Variants in MRPL43 observed in about 807,000 individuals in gnomAD.
The protein encoded by MRPL43 is large ribosomal subunit protein mL43.
Under a neutral mutation model 12.7 loss-of-function variants are expected in MRPL43, and 9 were observed. The ratio of observed to expected loss-of-function variants is 0.71; its 90% CI spans 0.43 to 1.24. The LOEUF (loss-of-function observed/expected upper bound fraction) is 1.24, where lower values mean the gene tolerates loss of function less well. Among genes scored for constraint, MRPL43 ranks in the 50% most tolerant of loss-of-function variants. MRPL43 has a pLI of 0.00. For missense variants in MRPL43, 211 were observed against 229.2 expected (o/e 0.92, Z 0.51); for synonymous variants, 116 against 96.4 (o/e 1.20, Z -1.19).
Position 100,986,316 on chromosome 10 carries a change from A to T in MRPL43, c.*418T>A. The T allele has an allele frequency of 7.1e-7, 1 of 1,416,090 alleles. No individual in the cohort carries two copies. The highest frequency in any genetic ancestry group is 9.2e-7 in the Non-Finnish European group (1 of 1,091,572). 87.7% of individuals were successfully genotyped at this position (1,416,090 alleles called of 1,614,324 possible). On this transcript the variant is annotated 3_prime_UTR_variant, in exon 3 of 3. Coordinates refer to ENST00000318364, the MANE Select transcript of MRPL43 (RefSeq NM_032112.3). ...TTATTAACCTGTTTTATAAATCTGT[A>T]TTCACACAGATATAAAGTGCCTAGC...
chr10:100,987,046 GAGCCCCTGATCCCGCCCTCC>G (rs750819668), intron 2 of MRPL43, 24 bp downstream of exon 2: 1 of 1,608,920 alleles, frequency 6.2e-7, no homozygotes, highest in Non-Finnish European at 8.5e-7. Flanking sequence ...ATAGCGGGTC[GAGCCCCTGATCCCGCCCTCC>G]AGCCCGAGCC....
chr10:100,981,127 C>A (rs773023442), downstream of MRPL43: 7 of 1,609,618 alleles, frequency 4.3e-6, no homozygotes, highest in South Asian at 7.7e-5. Context: ...GAAACTGAAA[C>A]CCAGTTCCCC....
downstream of MRPL43, chr10:100,983,956 T>A (rs941479176): frequency 1.3e-6 from 2 of 1,571,740 alleles, no homozygotes; most frequent in Non-Finnish European, 1.7e-6. Context: ...ACCAATGGCT[T>A]GGTGGCACTG....
At position 100,987,237 on chromosome 10, in the gene MRPL43, G is replaced by A. The variant is rs567942265; in HGVS notation, c.132-41C>T. On this transcript the variant is annotated intron_variant, in intron 1 of 2. Coordinates refer to ENST00000318364, the MANE Select transcript of MRPL43 (RefSeq NM_032112.3). ...CAGTGAGCAGTATGACCCCTGACTG[G>A]GGGCGACCTACCCGGGGAGTCGTTG... 5 of 1,613,044 alleles carry A rather than the reference G, an allele frequency of 3.1e-6. No individual in the cohort carries two copies. In the African/African-American group the frequency reaches 5.3e-5, roughly 17 times the overall value.
At chr10:100,978,821 A>T, downstream of MRPL43, 4 of 1,608,650 alleles carry the variant, frequency 2.5e-6, no homozygotes, top group Non-Finnish European at 3.4e-6. Context: ...GCCTGTCTCA[A>T]AAGCCTCTCA....
chr10:100,979,649 G>C (rs2133881608), downstream of MRPL43, among the ~76,000 whole-genome samples: 1 of 152,252 alleles, frequency 6.6e-6, no homozygotes, highest in South Asian at 2.1e-4. Flanking sequence ...TCAAAGTGCT[G>C]GCAAAGTGAG....
At chr10:100,984,830 CCCTT>C (rs1442168150), downstream of MRPL43, 15 of 1,522,106 alleles carry the variant, frequency 9.9e-6, no homozygotes, top group African/African-American at 2.7e-5. Context: ...CCCCTCCTCT[CCCTT>C]CCTGTGTGGC....
In MRPL43 at chr10:100,986,560, C is replaced by A. The variant is rs2133923171; in HGVS notation, c.*174G>T. 1.3e-6 allele frequency: 2 copies of A among 1,569,134 alleles called. No homozygotes were observed. Among genetic ancestry groups the A allele is most frequent in the Non-Finnish European group, 1.7e-6 (2 of 1,157,278 alleles). ...TGAGTGGTTCACAAGGTCACTGCCCCCAGAAGCAGGCACTGGAAAGAAACA... is the reference window on the plus strand; with the variant it reads ...TGAGTGGTTCACAAGGTCACTGCCCACAGAAGCAGGCACTGGAAAGAAACA... On this transcript the variant is annotated 3_prime_UTR_variant, in exon 3 of 3. Coordinates refer to ENST00000318364, the MANE Select transcript of MRPL43 (RefSeq NM_032112.3).
Position 100,986,925 on chromosome 10 carries a change from TCTC to T in MRPL43, c.286_288del (p.Glu96del). The stretch of plus-strand genomic sequence containing the variant: ...GCCAGCTTCTGCACCAGCGTCGAGA[TCTC>T]CTCGACCGACTTGCAGTGGATGCTC... On this transcript the variant is annotated inframe_deletion, in exon 3 of 3. Coordinates refer to ENST00000318364, the MANE Select transcript of MRPL43 (RefSeq NM_032112.3). The T allele has an allele frequency of 5.6e-6, 9 of 1,610,244 alleles. No homozygotes were observed. Among genetic ancestry groups the T allele is most frequent in the Non-Finnish European group, 7.6e-6 (9 of 1,179,998 alleles).
chr10:100,983,624 A>C, downstream of MRPL43: 1 of 1,613,994 alleles, frequency 6.2e-7, no homozygotes, highest in Non-Finnish European at 8.5e-7. Context: ...CACAGCTGGC[A>C]CCTGATGTGA....
Position 100,987,417 on chromosome 10 carries a change from G to T in MRPL43, c.27C>A (p.Arg9=). MTARGTPS[R]FLASVLHNGL... ...CGTTGTGGAGAACGCTGGCCAAGAA[G>T]CGGCTCGGAGTCCCGCGCGCCGTCA... Residue 9 remains arginine, a synonymous_variant, in exon 1 of 3, where the codon CGC becomes CGA. Coordinates refer to ENST00000318364, the MANE Select transcript of MRPL43 (RefSeq NM_032112.3). 6.2e-7 allele frequency: 1 copy of T among 1,612,454 alleles called. No individual in the cohort carries two copies. The highest frequency in any genetic ancestry group is 8.5e-7 in the Non-Finnish European group (1 of 1,179,910).
At chr10:100,983,462 G>A, downstream of MRPL43, 2 of 1,614,168 alleles carry the variant, frequency 1.2e-6, no homozygotes, top group Non-Finnish European at 1.7e-6. Context: ...GCGTGGACGG[G>A]CTGCTGGTTA....
At chr10:100,978,679 ACTATTT>A (rs1256897213), downstream of MRPL43, 2 of 1,589,692 alleles carry the variant, frequency 1.3e-6, no homozygotes, top group Admixed American at 3.3e-5. Context: ...GGGGTAGGGG[ACTATTT>A]CTTCATTTTT....
At chr10:100,978,262 G>T, downstream of MRPL43, 1 of 1,561,312 alleles carries the variant, frequency 6.4e-7, no homozygotes, top group South Asian at 1.1e-5. Context: ...GCCTGTCTTC[G>T]GAACCACTTA....
At chr10:100,980,743 G>A (rs1230221202), downstream of MRPL43, 6 of 1,606,310 alleles carry the variant, frequency 3.7e-6, no homozygotes, top group South Asian at 4.4e-5. Flanking sequence ...ATAGGAAGAG[G>A]GAGTGGGGAG....
chr10:100,983,908 C>T (rs2133906339), downstream of MRPL43: 1 of 1,518,632 alleles, frequency 6.6e-7, no homozygotes, highest in East Asian at 2.5e-5. Flanking sequence ...GCCCCAGCCC[C>T]ACCACCCCCA....
chr10:100,983,498 C>T (rs755113434), downstream of MRPL43: 44 of 1,614,190 alleles, frequency 2.7e-5, no homozygotes, highest in Non-Finnish European at 3.6e-5. Flanking sequence ...AGCACAGTGG[C>T]AACTATGGCT....
downstream of MRPL43, chr10:100,983,533 G>A (rs558586100): frequency 8.5e-5 from 138 of 1,614,058 alleles, 1 homozygote; most frequent in South Asian, 1.4e-3. Flanking sequence ...AATGGCCTCC[G>A]CACCCTGCTG....
chr10:100,986,488 T>G lies in MRPL43; in HGVS notation c.*246A>C. On this transcript the variant is annotated 3_prime_UTR_variant, in exon 3 of 3. Transcript: ENST00000318364. ...AAAAACAAGGGCCCTGTAAAACCCT[T>G]GAAGTCTTCCTCATCTCAGGTTTTA... 1 of 1,549,414 alleles carries G rather than the reference T, an allele frequency of 6.5e-7. No individual in the cohort carries two copies. The highest frequency in any genetic ancestry group is 8.7e-7 in the Non-Finnish European group (1 of 1,146,674).
Sources: gnomAD v4.1 joint callset for allele counts (sites outside exome capture counted in the v4.1 genomes callset) on GRCh38, gnomAD v4.1.1 for gene constraint, MANE v1.5 for transcripts, NCBI Gene and HGNC (gene_info 2026-07-23, HGNC 2026-07-21) for gene names.